The following TUNAR variants were observed in gnomAD, a reference collection of about 807,000 sequenced individuals.
TUNAR encodes the protein protein TUNAR.
chr14:95,923,963 A>G (rs1485524539), exon 3 of TUNAR: 1 of 152,240 alleles, frequency 6.6e-6, no homozygotes, highest in Non-Finnish European at 1.5e-5. Context: ...CCTTTGAGGA[A>G]GAAGAGCGTG....
intron 2 of TUNAR, among the ~76,000 whole-genome samples, chr14:95,904,961 G>A (rs542321708): frequency 6.6e-6 from 1 of 152,264 alleles, no homozygotes; most frequent in African/African-American, 2.4e-5. Flanking sequence ...TTCCACAAGG[G>A]CCCTGGAAGC....
At chr14:95,876,498 T>C (rs114514366) in exon 1 of TUNAR, 5,823 of 152,316 alleles carry the variant, frequency 0.038, 266 homozygotes, top group African/African-American at 0.11. Context: ...CCCTCCCCTG[T>C]AGGGACCCCG....
In TUNAR at chr14:95,882,929, C is replaced by T. The variant is rs560440986; in HGVS notation, c.12+5752C>T. Among the ~76,000 whole-genome samples, 10 of 152,286 alleles carry T rather than the reference C, an allele frequency of 6.6e-5. No homozygotes were observed. In the East Asian group the frequency reaches 9.6e-4, roughly 15 times the overall value. ...AAAGTGAATGCCCCTGAGAGCATCA[C>T]GTGCAAGTTTAAAATGATTTATGAA... is the stretch of plus-strand genomic sequence containing the variant. On this transcript the variant is annotated intron_variant, in intron 2 of 2. Coordinates refer to ENST00000678517, the Ensembl canonical transcript of TUNAR.
chr14:95,895,239 G>C lies in TUNAR; in HGVS notation c.12+18062G>C, dbSNP rs907125627. ...AAGGGCAGTCCAGGCAGGAAGAACA[G>C]ATGTGTCTAACCCAGGAGGAGAGCA... is the stretch of plus-strand genomic sequence containing the variant. On this transcript the variant is annotated intron_variant, in intron 2 of 2. Transcript: ENST00000678517. This position sits in a 1 kb window ranked among gnomAD's most constrained non-coding sequence, Gnocchi z 4.5. Among the ~76,000 whole-genome samples, 1 of 152,224 alleles carries C rather than the reference G, an allele frequency of 6.6e-6. No homozygotes were observed. Among genetic ancestry groups the C allele is most frequent in the African/African-American group, 2.4e-5 (1 of 41,450 alleles).
At chr14:95,881,775 A>G (rs78372749) in intron 2 of TUNAR, among the ~76,000 whole-genome samples, 1,795 of 152,358 alleles carry the variant, frequency 0.012, 18 homozygotes, top group Middle Eastern at 0.031. Flanking sequence ...CACCATTCCC[A>G]GGACCAGAGA....
At chr14:95,894,572 T>C (rs1239795318) in intron 2 of TUNAR, among the ~76,000 whole-genome samples, 2 of 152,200 alleles carry the variant, frequency 1.3e-5, no homozygotes, top group Non-Finnish European at 2.9e-5. Flanking sequence ...CACTTTTTTC[T>C]TGGTGTAAAC....
At chr14:95,879,709 T>TA (rs1888947808) in intron 2 of TUNAR, among the ~76,000 whole-genome samples, 1 of 151,612 alleles carries the variant, frequency 6.6e-6, no homozygotes, top group African/African-American at 2.4e-5. Flanking sequence ...TAAATCCAGT[T>TA]TTTTTTTTTC....
chr14:95,885,136 A>G (rs1156788179), intron 2 of TUNAR, among the ~76,000 whole-genome samples: 1 of 152,230 alleles, frequency 6.6e-6, no homozygotes, highest in Non-Finnish European at 1.5e-5. Context: ...CCTGCCCAGC[A>G]GTGCAAATGA....
intron 2 of TUNAR, among the ~76,000 whole-genome samples, chr14:95,886,938 C>G (rs118000007): frequency 1.3e-5 from 2 of 152,138 alleles, no homozygotes; most frequent in Non-Finnish European, 2.9e-5. Flanking sequence ...TGGGCATGAC[C>G]CCTAGATGTC....
intron 2 of TUNAR, among the ~76,000 whole-genome samples, chr14:95,917,443 C>G (rs868083939): frequency 6.6e-6 from 1 of 152,164 alleles, no homozygotes; most frequent in Admixed American, 6.5e-5. Context: ...CTACCTTATT[C>G]TTTAGTAAAC....
chr14:95,902,646 G>A (rs761066177), intron 2 of TUNAR, among the ~76,000 whole-genome samples: 6 of 152,166 alleles, frequency 3.9e-5, no homozygotes, highest in Non-Finnish European at 8.8e-5. Context: ...AAATGGGGAC[G>A]CTCAAGTGCT....
Position 95,920,879 on chromosome 14 carries a change from T to C in TUNAR, c.13-1902T>C, listed in dbSNP as rs150036480. Among the ~76,000 whole-genome samples the C allele has an allele frequency of 2.4e-3, 369 of 152,302 alleles. 3 individuals are homozygous for C. Among genetic ancestry groups the C allele is most frequent in the African/African-American group, 8.1e-3 (338 of 41,556 alleles). On this transcript the variant is annotated intron_variant, in intron 2 of 2. Transcript: ENST00000678517. Reference sequence around the variant, plus strand: ...TATAGGTGTATATAAAGAGATTTATTATACAGAGTTGACTCGTGATTTTGG... The same window carrying C: ...TATAGGTGTATATAAAGAGATTTATCATACAGAGTTGACTCGTGATTTTGG...
intron 2 of TUNAR, among the ~76,000 whole-genome samples, chr14:95,909,699 C>T (rs1267110287): frequency 3.9e-5 from 6 of 152,188 alleles, no homozygotes; most frequent in African/African-American, 1.4e-4. Context: ...CAGTACTGAA[C>T]ACTGCGGCTG....
intron 2 of TUNAR, among the ~76,000 whole-genome samples, chr14:95,912,062 G>T (rs1450394920): frequency 6.6e-6 from 1 of 152,206 alleles, no homozygotes; most frequent in African/African-American, 2.4e-5. Context: ...CACTTGGCTG[G>T]TGAGGTTCTT....
intron 2 of TUNAR, among the ~76,000 whole-genome samples, chr14:95,902,492 A>G (rs1889370066): frequency 6.6e-6 from 1 of 152,234 alleles, no homozygotes; most frequent in Non-Finnish European, 1.5e-5. Flanking sequence ...CCCGCCAAAG[A>G]AAAATATTCA....
intron 2 of TUNAR, among the ~76,000 whole-genome samples, chr14:95,908,429 AGG>A (rs1889459299): frequency 6.6e-6 from 1 of 152,232 alleles, no homozygotes; most frequent in African/African-American, 2.4e-5. Flanking sequence ...ACGATCTGTC[AGG>A]CAAAGTGCGT....
chr14:95,894,532 G>A (rs1889228903), intron 2 of TUNAR, among the ~76,000 whole-genome samples: 2 of 152,250 alleles, frequency 1.3e-5, no homozygotes, highest in East Asian at 1.9e-4. Flanking sequence ...TGGTTTGCGG[G>A]GCCCCTGGCA....
At position 95,882,685 on chromosome 14, in the gene TUNAR, G is replaced by C. The variant is rs549111418; in HGVS notation, c.12+5508G>C. Reference sequence around the variant, plus strand: ...GTGCTTCTGTTTCTTAATAATCTATGATGAGCTGCTGTATGTACCTCATTT... The same window carrying C: ...GTGCTTCTGTTTCTTAATAATCTATCATGAGCTGCTGTATGTACCTCATTT... On this transcript the variant is annotated intron_variant, in intron 2 of 2. Transcript: ENST00000678517. Among the ~76,000 whole-genome samples, 11 of 152,272 alleles carry C rather than the reference G, an allele frequency of 7.2e-5. No individual in the cohort carries two copies. In the East Asian group the frequency reaches 2.1e-3, roughly 29 times the overall value.
intron 2 of TUNAR, among the ~76,000 whole-genome samples, chr14:95,894,946 G>A (rs1595118718): frequency 1.3e-5 from 2 of 152,340 alleles, no homozygotes; most frequent in South Asian, 4.1e-4. Context: ...GGCACTGCGG[G>A]ATGGAGTGTT....
Sources: gnomAD v4.1 joint callset for allele counts (sites outside exome capture counted in the v4.1 genomes callset) on GRCh38, gnomAD v4.1.1 for gene constraint, Gnocchi (gnomAD v3.1) non-coding constraint, MANE v1.5 for transcripts, NCBI Gene and HGNC (gene_info 2026-07-23, HGNC 2026-07-21) for gene names.